Variants in MSR1 observed in about 807,000 individuals in gnomAD.
The protein encoded by MSR1 is macrophage scavenger receptor types I and II.
Under a neutral mutation model 47.2 loss-of-function variants are expected in MSR1, and 53 were observed. The observed-to-expected ratio is 1.12, with a 90% CI of 0.90 to 1.41. MSR1 has a LOEUF of 1.41. MSR1 is among the 40% of genes most tolerant of loss of function. The pLI, the probability that MSR1 is intolerant of heterozygous loss-of-function variation, is 0.00. For synonymous variants in MSR1, 239 were observed against 185.6 expected (o/e 1.29, Z -2.34); for missense variants, 786 against 546.9 (o/e 1.44, Z -4.36).
intron 5 of MSR1, among the ~76,000 whole-genome samples, chr8:16,160,988 G>T (rs1458343680): frequency 6.7e-6 from 1 of 149,344 alleles, no homozygotes; most frequent in Non-Finnish European, 1.5e-5. Context: ...TGTAAAGAGA[G>T]AAACCACACA....
chr8:16,127,915 T>C (rs970411481), intron 8 of MSR1, among the ~76,000 whole-genome samples: 2 of 152,350 alleles, frequency 1.3e-5, no homozygotes, highest in African/African-American at 4.8e-5. Context: ...CAGGTCATCC[T>C]GTTTGTCATT....
intron 6 of MSR1, among the ~76,000 whole-genome samples, chr8:16,154,444 G>T (rs1381965068): frequency 6.6e-6 from 1 of 151,838 alleles, no homozygotes; most frequent in Non-Finnish European, 1.5e-5. Context: ...CAACTTAGAG[G>T]AAAATAATTT....
At chr8:16,164,435 T>C (rs1161390827) in intron 4 of MSR1, among the ~76,000 whole-genome samples, 184 bp from the exon 5 acceptor site, 1 of 151,968 alleles carries the variant, frequency 6.6e-6, no homozygotes, top group African/African-American at 2.4e-5. Context: ...ACATTTCCTC[T>C]TTTGACTGAA....
chr8:16,132,461 A>G (rs1428577453), intron 8 of MSR1, among the ~76,000 whole-genome samples: 1 of 151,898 alleles, frequency 6.6e-6, no homozygotes, highest in Non-Finnish European at 1.5e-5. Flanking sequence ...TTCTCTTTCT[A>G]TTTTGATACT....
chr8:16,175,186 C>T lies in MSR1; in HGVS notation c.217+1G>A. The T allele has an allele frequency of 6.2e-7, 1 of 1,612,860 alleles. No individual in the cohort carries two copies. Among genetic ancestry groups the T allele is most frequent in the Non-Finnish European group, 8.5e-7 (1 of 1,178,938 alleles). On this transcript the variant is annotated splice_donor_variant, in intron 3 of 9. Coordinates refer to ENST00000262101, the MANE Select transcript of MSR1 (RefSeq NM_138715.3). LOFTEE classifies it high-confidence loss of function. ...AATTTCAAAACTCTGGGTTACGTTA[C>T]CTGCCACTATTCCAATGAGAGGGAT...
intron 8 of MSR1, among the ~76,000 whole-genome samples, chr8:16,133,172 C>T (rs77042718): frequency 0.028 from 4,260 of 152,184 alleles, 181 homozygotes; most frequent in African/African-American, 0.098. Flanking sequence ...ATAAATTTTA[C>T]TTCTCAACAT....
intron 5 of MSR1, among the ~76,000 whole-genome samples, chr8:16,160,426 T>C (rs1036083581): frequency 2.8e-4 from 42 of 151,968 alleles, no homozygotes; most frequent in African/African-American, 9.7e-4. Flanking sequence ...ACATATGTAA[T>C]TGCTCACCCA....
chr8:16,108,130 A>AACAGGCTGATAAT lies in MSR1; in HGVS notation c.*1954_*1955insATTATCAGCCTGT. 1 of 149,382 alleles carries AACAGGCTGATAAT rather than the reference A, an allele frequency of 6.7e-6. No individual in the cohort carries two copies. Among genetic ancestry groups the AACAGGCTGATAAT allele is most frequent in the East Asian group, 2.0e-4 (1 of 5,000 alleles). The allele number at this position is 149,382 out of a possible 1,614,324, so 9.3% of individuals were successfully genotyped here. A position where few individuals can be genotyped will look rare whatever the true frequency, so the allele number is the denominator to read the frequency against. On this transcript the variant is annotated 3_prime_UTR_variant, in exon 10 of 10. Transcript: ENST00000262101. ...ATAGGCACTGATCTCAGACATCCCA[A>AACAGGCTGATAAT]GTGCCTATGGGTTGTTAATAGTACT...
intron 8 of MSR1, among the ~76,000 whole-genome samples, chr8:16,137,769 G>A (rs191727839): frequency 6.6e-6 from 1 of 152,174 alleles, no homozygotes; most frequent in East Asian, 1.9e-4. Flanking sequence ...GAGGCAGGAG[G>A]ATCGCTTGAG....
intron 3 of MSR1, among the ~76,000 whole-genome samples, chr8:16,169,873 A>G (rs1346131177): frequency 6.6e-6 from 1 of 151,112 alleles, no homozygotes; most frequent in Non-Finnish European, 1.5e-5. Context: ...TCTTGTGATT[A>G]ATTATTTCCC....
rs915354656 is a variant in MSR1 at position 16,140,440 on chromosome 8, G to A, written c.1033+3118C>T. On this transcript the variant is annotated intron_variant, in intron 8 of 9. Coordinates refer to ENST00000262101, the MANE Select transcript of MSR1 (RefSeq NM_138715.3). ...CCTATCATTGTATGAGTTTTAGATG[G>A]GATACTTAAAATTTACACCCTAGTT... 6.3e-5 allele frequency: 62 copies of A among 986,162 alleles called. No individual in the cohort carries two copies. In the Admixed American group the frequency reaches 8.5e-4, roughly 14 times the overall value. 61.1% of individuals were successfully genotyped at this position (986,162 alleles called of 1,614,324 possible).
At chr8:16,173,062 T>C (rs994104455) in intron 3 of MSR1, among the ~76,000 whole-genome samples, 4 of 152,222 alleles carry the variant, frequency 2.6e-5, no homozygotes, top group Non-Finnish European at 4.4e-5. Flanking sequence ...AGTGAGGCCT[T>C]TTCCAAATTC....
intron 8 of MSR1, among the ~76,000 whole-genome samples, chr8:16,136,056 C>T (rs138337603): frequency 1.4e-4 from 22 of 152,138 alleles, no homozygotes; most frequent in Middle Eastern, 3.4e-3. Flanking sequence ...ATTGTTGAGA[C>T]GACAACAAAG....
At chr8:16,181,356 G>C (rs535855154) in intron 1 of MSR1, among the ~76,000 whole-genome samples, 62 of 152,162 alleles carry the variant, frequency 4.1e-4, no homozygotes, top group African/African-American at 1.4e-3. Context: ...TCCAGCATCT[G>C]TTGTTTCTTG....
Position 16,138,791 on chromosome 8 carries a change from A to G in MSR1, c.1033+4767T>C, listed in dbSNP as rs550297485. On this transcript the variant is annotated intron_variant, in intron 8 of 9. Transcript: ENST00000262101. The stretch of plus-strand genomic sequence containing the variant: ...TGTAAACTGGCTATTCAATGTTGCT[A>G]GCCTGCTAATAGTCAGGAGTATCTG... 5.6e-4 allele frequency among the ~76,000 whole-genome samples: 85 copies of G among 152,298 alleles called. 2 individuals carry two copies. In the South Asian group the frequency reaches 0.017, roughly 31 times the overall value.
In MSR1 at chr8:16,108,336, A is replaced by G. The variant is rs1234866249; in HGVS notation, c.*1749T>C. 6.6e-6 allele frequency: 1 copy of G among 151,382 alleles called. No individual in the cohort carries two copies. Among genetic ancestry groups the G allele is most frequent in the Admixed American group, 6.6e-5 (1 of 15,194 alleles). 9.4% of individuals were successfully genotyped at this position (151,382 alleles called of 1,614,324 possible). A position where few individuals can be genotyped will look rare whatever the true frequency, so the allele number is the denominator to read the frequency against. On this transcript the variant is annotated 3_prime_UTR_variant, in exon 10 of 10. Coordinates refer to ENST00000262101, the MANE Select transcript of MSR1 (RefSeq NM_138715.3). ...TAGTTAATACTAACAGTTAACACTA[A>G]TAGTTAATACTATTGACAACCCATA... is the stretch of plus-strand genomic sequence containing the variant.
Position 16,175,226 on chromosome 8 carries a change from C to A in MSR1, c.178G>T (p.Val60Leu). The A allele has an allele frequency of 6.2e-7, 1 of 1,613,942 alleles. No homozygotes were observed. ...ATGAGAGGGATGAGAACTGCAAACA[C>A]GAGGAGGTAAAGGGCAATCAGTGCA... ...KAALIALYLL[V>L]FAVLIPLIGI... Residue 60 changes from valine (V) to leucine (L), a missense_variant, in exon 3 of 10, where the codon GTG becomes TTG. Physicochemically the swap from Val to Leu is conservative, Grantham distance 32. Coordinates refer to ENST00000262101, the MANE Select transcript of MSR1 (RefSeq NM_138715.3).
chr8:16,163,550 A>G (rs976021910), intron 5 of MSR1, among the ~76,000 whole-genome samples: 1 of 151,308 alleles, frequency 6.6e-6, no homozygotes, highest in African/African-American at 2.4e-5. Context: ...ATATATAAAG[A>G]AAGCATATAT....
chr8:16,148,490 A>ACT (rs10658467), intron 7 of MSR1, among the ~76,000 whole-genome samples: 92,680 of 151,596 alleles, frequency 0.61, 28,755 homozygotes, highest in African/African-American at 0.71. Flanking sequence ...TCAGGGTCTC[A>ACT]CTGTTACCCA....
Sources: gnomAD v4.1 joint callset for allele counts (sites outside exome capture counted in the v4.1 genomes callset) on GRCh38, gnomAD v4.1.1 for gene constraint, MANE v1.5 for transcripts, NCBI Gene and HGNC (gene_info 2026-07-23, HGNC 2026-07-21) for gene names.